Variants in FAM220A observed in about 807,000 individuals in gnomAD.
FAM220A encodes protein FAM220A.
For missense variants in FAM220A, 392 were observed against 321.6 expected (o/e 1.22, Z -1.68); for synonymous variants, 141 against 130.7 (o/e 1.08, Z -0.54).
intron 1 of FAM220A, among the ~76,000 whole-genome samples, chr7:6,335,308 T>C (rs1424020870): frequency 6.6e-6 from 1 of 150,566 alleles, no homozygotes; most frequent in Non-Finnish European, 1.5e-5. Flanking sequence ...CTACAACCTC[T>C]GCCTCCTGGG....
chr7:6,342,861 AC>A (rs976348884), intron 1 of FAM220A, among the ~76,000 whole-genome samples: 2 of 151,328 alleles, frequency 1.3e-5, no homozygotes, highest in Non-Finnish European at 2.9e-5. Context: ...ACATAGTGAG[AC>A]CCCATCTAGA....
rs774560191 is a variant in FAM220A at position 6,330,915 on chromosome 7, G to A, written c.240C>T (p.Gly80=). 6.2e-6 allele frequency: 10 copies of A among 1,614,146 alleles called. No homozygotes were observed. In the Admixed American group the frequency reaches 1.7e-4, roughly 27 times the overall value. Residue 80 remains glycine (G), a synonymous_variant, in exon 2 of 2, where the codon GGC becomes GGT. Transcript: ENST00000313324. ...ATTCTCTCACATATGGAAGCACTGG[G>A]CCGCCACTGTGAAGCCAGAGGCCAG... is the stretch of plus-strand genomic sequence containing the variant. ...SGAGLWLHSG[G]PVLPYVRESV...
intron 1 of FAM220A, among the ~76,000 whole-genome samples, chr7:6,342,554 C>T (rs541294043): frequency 1.3e-5 from 2 of 151,974 alleles, no homozygotes; most frequent in South Asian, 4.1e-4. Context: ...AAAAAGTGAT[C>T]TTTTTGAAAT....
intron 1 of FAM220A, among the ~76,000 whole-genome samples, chr7:6,335,532 C>T (rs1257109369): frequency 2.7e-5 from 3 of 110,598 alleles, no homozygotes; most frequent in East Asian, 2.6e-4. Flanking sequence ...CCAGCCTAGC[C>T]GTTAATATGT....
chr7:6,329,574 C>A lies in FAM220A; in HGVS notation c.*801G>T, dbSNP rs1235651898. 1 of 155,268 alleles carries A rather than the reference C, an allele frequency of 6.4e-6. No homozygotes were observed. Among genetic ancestry groups the A allele is most frequent in the Non-Finnish European group, 1.5e-5 (1 of 68,050 alleles). The allele number at this position is 155,268 out of a possible 1,614,324, so 9.6% of individuals were successfully genotyped here. A position where few individuals can be genotyped will look rare whatever the true frequency, so the allele number is the denominator to read the frequency against. ...GTTTCACTTTGGGAGTCTTTAAAAACTTATGTCCTTAAATGACCTTTATTA... is the reference window on the plus strand; with the variant it reads ...GTTTCACTTTGGGAGTCTTTAAAAAATTATGTCCTTAAATGACCTTTATTA... On this transcript the variant is annotated 3_prime_UTR_variant, in exon 2 of 2. Coordinates refer to ENST00000313324, the MANE Select transcript of FAM220A (RefSeq NM_001037163.2).
intron 1 of FAM220A, among the ~76,000 whole-genome samples, chr7:6,332,215 G>A (rs1161246894): frequency 6.6e-6 from 1 of 151,920 alleles, no homozygotes; most frequent in Non-Finnish European, 1.5e-5. Context: ...AATTTTATAG[G>A]GACCAGCACC....
intron 1 of FAM220A, chr7:6,341,852 C>T (rs1781863806): frequency 6.6e-6 from 1 of 150,678 alleles, no homozygotes; most frequent in Non-Finnish European, 1.5e-5. Flanking sequence ...ACAAACATTA[C>T]CCAGGCATGG....
At chr7:6,339,553 A>C (rs112778541) in intron 1 of FAM220A, among the ~76,000 whole-genome samples, 3 of 150,552 alleles carry the variant, frequency 2.0e-5, no homozygotes, top group Admixed American at 1.3e-4. Context: ...GAGCAATCTC[A>C]GCTCACTGCA....
Position 6,330,143 on chromosome 7 carries a change from T to A in FAM220A, c.*232A>T. 1 of 541,360 alleles carries A rather than the reference T, an allele frequency of 1.8e-6. No individual in the cohort carries two copies. The allele number at this position is 541,360 out of a possible 1,614,324, so 33.5% of individuals were successfully genotyped here. ...TACAGGCTATGATCGTCTCCTGAAA[T>A]GTTTCCCAATTCTTTATATGTCTTT... is the stretch of plus-strand genomic sequence containing the variant. On this transcript the variant is annotated 3_prime_UTR_variant, in exon 2 of 2. Coordinates refer to ENST00000313324, the MANE Select transcript of FAM220A (RefSeq NM_001037163.2).
At chr7:6,348,475 C>A (rs2115155472) in intron 1 of FAM220A, 98 bp downstream of exon 1, 1 of 406,034 alleles carries the variant, frequency 2.5e-6, no homozygotes, top group African/African-American at 2.1e-5. Flanking sequence ...GACATACACT[C>A]AGCTTCTAGG....
intron 1 of FAM220A, among the ~76,000 whole-genome samples, chr7:6,343,397 C>CATAT (rs10529573): frequency 1.6e-3 from 140 of 86,952 alleles, no homozygotes; most frequent in Non-Finnish European, 1.9e-3. Context: ...ATAATAATTT[C>CATAT]ATATATATAT....
chr7:6,331,860 C>A (rs1272647163), intron 1 of FAM220A, among the ~76,000 whole-genome samples: 2 of 150,850 alleles, frequency 1.3e-5, no homozygotes, highest in Admixed American at 6.7e-5. Flanking sequence ...CCTGCCTTAG[C>A]CTTTTGAGTA....
intron 1 of FAM220A, among the ~76,000 whole-genome samples, chr7:6,344,906 TA>T (rs1781928328): frequency 6.6e-6 from 1 of 151,736 alleles, no homozygotes; most frequent in South Asian, 2.1e-4. Flanking sequence ...CATGCCCGGC[TA>T]ATTTTTGTAT....
At chr7:6,344,778 T>C (rs1388443890) in intron 1 of FAM220A, among the ~76,000 whole-genome samples, 1 of 152,170 alleles carries the variant, frequency 6.6e-6, no homozygotes, top group Non-Finnish European at 1.5e-5. Flanking sequence ...TCTCACTGTG[T>C]TGCCCAGGCT....
intron 1 of FAM220A, among the ~76,000 whole-genome samples, chr7:6,348,068 G>A (rs1006395154): frequency 6.6e-6 from 1 of 151,530 alleles, no homozygotes; most frequent in African/African-American, 2.4e-5. Flanking sequence ...GCGCCACCAC[G>A]CCCGGCTAAT....
chr7:6,341,452 TAA>T (rs1781856792), intron 1 of FAM220A, among the ~76,000 whole-genome samples: 7 of 138,502 alleles, frequency 5.1e-5, no homozygotes, highest in African/African-American at 1.9e-4. Flanking sequence ...AAAAAAATAA[TAA>T]TAATAATTAT....
intron 1 of FAM220A, among the ~76,000 whole-genome samples, chr7:6,331,515 G>A (rs1261018915): frequency 6.6e-6 from 1 of 151,598 alleles, no homozygotes; most frequent in East Asian, 2.0e-4. Flanking sequence ...CGCCCACGCT[G>A]GGCGACCAGT....
chr7:6,344,397 G>C (rs1276137332), intron 1 of FAM220A, among the ~76,000 whole-genome samples: 3 of 152,100 alleles, frequency 2.0e-5, no homozygotes, highest in Non-Finnish European at 2.9e-5. Context: ...TGTTGCACTT[G>C]GTCAAGCCCA....
At chr7:6,342,489 A>G (rs1781881042) in intron 1 of FAM220A, among the ~76,000 whole-genome samples, 1 of 151,766 alleles carries the variant, frequency 6.6e-6, no homozygotes, top group South Asian at 2.1e-4. Context: ...CAGTGAGCCA[A>G]GATCACACCA....
Sources: allele counts gnomAD v4.1 joint callset (sites outside exome capture counted in the v4.1 genomes callset), GRCh38; gene constraint gnomAD v4.1.1; transcripts MANE v1.5; gene names NCBI Gene and HGNC (gene_info 2026-07-23, HGNC 2026-07-21).